The following RANBP17 variants were observed in gnomAD, a reference collection of about 807,000 sequenced individuals.
RANBP17 encodes the protein ran-binding protein 17.
A neutral mutation model predicts 141.2 loss-of-function variants in RANBP17; 158 were observed. The observed-to-expected ratio is 1.12, with a 90% confidence interval of 0.98 to 1.28. RANBP17 has a LOEUF of 1.28. Ranked by LOEUF, RANBP17 falls within the 50% of genes most tolerant of loss-of-function variation. RANBP17 has a pLI of 0.00. For synonymous variants in RANBP17, 430 were observed against 450.0 expected (o/e 0.96, Z 0.56); for missense variants, 1,438 against 1,290.7 (o/e 1.11, Z -1.75).
intron 14 of RANBP17, among the ~76,000 whole-genome samples, chr5:171,155,078 G>GAAAAAAA (rs145976955): frequency 1.0e-3 from 77 of 74,992 alleles, no homozygotes; most frequent in African/African-American, 2.6e-3. Flanking sequence ...ACTCCATCTA[G>GAAAAAAA]AAAAAAAAAA....
At chr5:171,196,796 G>A (rs972109096) in intron 18 of RANBP17, among the ~76,000 whole-genome samples, 1 of 152,148 alleles carries the variant, frequency 6.6e-6, no homozygotes, top group African/African-American at 2.4e-5. Context: ...CAGTGGCAGA[G>A]CCAGGATTCA....
chr5:171,279,616 G>A (rs887556079), intron 25 of RANBP17, among the ~76,000 whole-genome samples: 4 of 152,128 alleles, frequency 2.6e-5, no homozygotes, highest in African/African-American at 9.7e-5. Flanking sequence ...TCAAACCATA[G>A]TACCTCATAA....
In RANBP17 at chr5:170,919,653, A is replaced by G. The variant is rs200965414; in HGVS notation, c.1274+40A>G. 4.8e-6 allele frequency: 7 copies of G among 1,451,688 alleles called. No homozygotes were observed. The East Asian group carries it at 1.6e-4, about 34-fold the overall frequency. 89.9% of individuals were successfully genotyped at this position (1,451,688 alleles called of 1,614,324 possible). On this transcript the variant is annotated intron_variant, in intron 11 of 27. Coordinates refer to ENST00000523189, the MANE Select transcript of RANBP17 (RefSeq NM_022897.5). Reference sequence around the variant, plus strand: ...AATGTTTTTGTTGTATTTCCTTTTGACACTTGGAATTTTTTAAGATAAAGT... The same window carrying G: ...AATGTTTTTGTTGTATTTCCTTTTGGCACTTGGAATTTTTTAAGATAAAGT...
At chr5:171,052,271 A>G (rs532177500) in intron 14 of RANBP17, among the ~76,000 whole-genome samples, 1 of 152,246 alleles carries the variant, frequency 6.6e-6, no homozygotes, top group South Asian at 2.1e-4. Flanking sequence ...TGTCTAATTT[A>G]TCTATTCTTT....
chr5:171,155,094 A>AAAAT lies in RANBP17; in HGVS notation c.1711-15035_1711-15034insAATA, dbSNP rs34090443. Among the ~76,000 whole-genome samples the AAAAT allele has an allele frequency of 3.4e-3, 253 of 74,936 alleles. 3 individuals are homozygous for AAAAT. Among genetic ancestry groups the AAAAT allele is most frequent in the African/African-American group, 9.7e-3 (186 of 19,174 alleles). The allele number at this position is 74,936 out of a possible 152,430, so 49.2% of individuals were successfully genotyped here. A position where few individuals can be genotyped will look rare whatever the true frequency, so the allele number is the denominator to read the frequency against. The stretch of plus-strand genomic sequence containing the variant: ...CTCCATCTAGAAAAAAAAAAAAAAA[A>AAAAT]ATATATATATATATATATATATATA... On this transcript the variant is annotated intron_variant, in intron 14 of 27. Transcript: ENST00000523189.
chr5:171,227,988 C>A (rs1339769478), intron 22 of RANBP17, among the ~76,000 whole-genome samples: 2 of 152,194 alleles, frequency 1.3e-5, no homozygotes, highest in Non-Finnish European at 2.9e-5. Flanking sequence ...CACCTCGTCA[C>A]CCAGGAGCTC....
chr5:171,169,213 A>G (rs900190042), intron 14 of RANBP17, among the ~76,000 whole-genome samples: 2 of 152,176 alleles, frequency 1.3e-5, no homozygotes, highest in African/African-American at 4.8e-5. Context: ...AATAGAAGCT[A>G]TGTTGCTGTA....
intron 18 of RANBP17, among the ~76,000 whole-genome samples, chr5:171,184,554 T>C (rs1035833065): frequency 1.6e-4 from 25 of 152,134 alleles, no homozygotes; most frequent in Non-Finnish European, 7.3e-5. Context: ...ACGTAGATGG[T>C]GACTATAGTT....
At chr5:170,940,050 T>C (rs571621703) in intron 12 of RANBP17, among the ~76,000 whole-genome samples, 35 of 152,336 alleles carry the variant, frequency 2.3e-4, no homozygotes, top group Middle Eastern at 6.8e-3. Flanking sequence ...GTTCCAGATA[T>C]GTTATTAATC....
At position 171,285,181 on chromosome 5, in the gene RANBP17, T is replaced by C. The variant is rs189004619; in HGVS notation, c.2944-8702T>C. The stretch of plus-strand genomic sequence containing the variant: ...CTTCCCAGGTAATGCTATATGCATC[T>C]TTTAAGATTCAACTTAAAATCACCT... On this transcript the variant is annotated intron_variant, in intron 25 of 27. Transcript: ENST00000523189. Among the ~76,000 whole-genome samples the C allele has an allele frequency of 3.1e-4, 47 of 152,356 alleles. 1 individual carries two copies. In the East Asian group the frequency reaches 7.9e-3, roughly 26 times the overall value.
intron 12 of RANBP17, among the ~76,000 whole-genome samples, chr5:170,932,443 T>C (rs1773471914): frequency 6.6e-6 from 1 of 152,234 alleles, no homozygotes; most frequent in Non-Finnish European, 1.5e-5. Context: ...TCCAACACTA[T>C]GTTGAATAGG....
chr5:170,872,957 A>G (rs760162372), intron 1 of RANBP17, among the ~76,000 whole-genome samples: 4 of 151,796 alleles, frequency 2.6e-5, no homozygotes, highest in Non-Finnish European at 4.4e-5. Context: ...TGTCACCCAG[A>G]CTGGAGTGCA....
intron 14 of RANBP17, among the ~76,000 whole-genome samples, chr5:171,042,919 T>C (rs891184465): frequency 6.6e-6 from 1 of 152,146 alleles, no homozygotes; most frequent in Non-Finnish European, 1.5e-5. Flanking sequence ...CAGTATCTTC[T>C]AAAATATAAA....
intron 14 of RANBP17, among the ~76,000 whole-genome samples, chr5:171,160,619 A>G (rs988213801): frequency 5.3e-5 from 8 of 152,172 alleles, no homozygotes; most frequent in Non-Finnish European, 8.8e-5. Flanking sequence ...TTCAGAATCT[A>G]TTCCTAACCA....
chr5:171,119,403 C>T (rs1453378332), intron 14 of RANBP17, among the ~76,000 whole-genome samples: 1 of 151,992 alleles, frequency 6.6e-6, no homozygotes, highest in East Asian at 1.9e-4. Context: ...GGAAAAATTT[C>T]CTTCACATCA....
intron 5 of RANBP17, among the ~76,000 whole-genome samples, chr5:170,907,729 A>G (rs952052945): frequency 1.3e-5 from 2 of 152,034 alleles, no homozygotes; most frequent in African/African-American, 2.4e-5. Context: ...GCGAAATAAT[A>G]TATGAAGAAT....
rs369529326 is a variant in RANBP17, at chr5:170,881,806, A to C, written c.166A>C (p.Thr56Pro). 3.8e-6 allele frequency: 6 copies of C among 1,568,486 alleles called. No homozygotes were observed. The highest frequency in any genetic ancestry group is 3.4e-4 in the Middle Eastern group (2 of 5,898). The change falls in exon 3 of 28, where the codon ACA becomes CCA. Residue 56 changes from threonine (T) to proline (P), a missense_variant and splice_region_variant. Thr to Pro is a conservative substitution (Grantham distance 38, BLOSUM62 -1). Transcript: ENST00000523189. ...KCQLLLEQGTTSYAQLLAATC... is the reference protein window; with the variant it reads ...KCQLLLEQGTPSYAQLLAATC... ...TAATAAATAAAATTATTCTTTACAG[A>C]CATCCTATGCTCAGCTCCTTGCAGC...
At chr5:170,917,763 T>C (rs1581141146) in intron 9 of RANBP17, among the ~76,000 whole-genome samples, 1 of 152,192 alleles carries the variant, frequency 6.6e-6, no homozygotes, top group East Asian at 1.9e-4. Context: ...GAAGATAATA[T>C]GCCGATTCCT....
At chr5:170,909,134 T>C (rs1771313038) in intron 5 of RANBP17, among the ~76,000 whole-genome samples, 1 of 151,906 alleles carries the variant, frequency 6.6e-6, no homozygotes, top group Non-Finnish European at 1.5e-5. Flanking sequence ...TCAGAGGGAA[T>C]ATACTATTGC....
Sources: gnomAD v4.1 joint callset for allele counts (sites outside exome capture counted in the v4.1 genomes callset) on GRCh38, gnomAD v4.1.1 for gene constraint, MANE v1.5 for transcripts, NCBI Gene and HGNC (gene_info 2026-07-23, HGNC 2026-07-21) for gene names.